LAP3: variants seen among roughly 807,000 people sequenced by gnomAD.
LAP3 encodes cytosol aminopeptidase.
Under a neutral mutation model 58.8 loss-of-function variants are expected in LAP3, and 46 were observed. That is an observed-to-expected ratio of 0.78 (90% CI 0.62 to 1.00). The LOEUF (loss-of-function observed/expected upper bound fraction) is 1.00, where lower values mean the gene tolerates loss of function less well. Among genes scored for constraint, LAP3 ranks in the 50% least tolerant of loss-of-function variants. LAP3 has a pLI of 0.00. For synonymous variants in LAP3, 257 were observed against 237.7 expected (o/e 1.08, Z -0.75); for missense variants, 615 against 659.1 (o/e 0.93, Z 0.73).
intron 7 of LAP3, among the ~76,000 whole-genome samples, chr4:17,594,778 C>T (rs550048623): frequency 1.2e-3 from 187 of 152,284 alleles, no homozygotes; most frequent in African/African-American, 4.4e-3. Flanking sequence ...TCTGTCCTGT[C>T]GGTTTCAGAG....
intron 11 of LAP3, among the ~76,000 whole-genome samples, chr4:17,605,818 A>G (rs1337796035): frequency 2.0e-5 from 3 of 152,176 alleles, no homozygotes; most frequent in East Asian, 3.8e-4. Context: ...GCTTTAAAAA[A>G]AAAATCTCAG....
chr4:17,593,076 G>C lies in LAP3; in HGVS notation c.864-2334G>C, dbSNP rs554303382. Among the ~76,000 whole-genome samples the C allele has an allele frequency of 3.9e-5, 6 of 152,332 alleles. No individual in the cohort carries two copies. The East Asian group carries it at 7.7e-4, about 20-fold the overall frequency. ...AGCCTCCCAGAGTGCTGGGATACAG[G>C]CATGAGCCATCACACCCAGCCAAAG... On this transcript the variant is annotated intron_variant, in intron 7 of 12. Coordinates refer to ENST00000226299, the MANE Select transcript of LAP3 (RefSeq NM_015907.3).
intron 10 of LAP3, 55 bp downstream of exon 10, chr4:17,598,613 G>A: frequency 1.6e-6 from 2 of 1,254,958 alleles, no homozygotes; most frequent in East Asian, 2.3e-5. Flanking sequence ...TTCGTTGCAT[G>A]GATTTCACAC....
At chr4:17,594,132 A>C (rs1713770613) in intron 7 of LAP3, among the ~76,000 whole-genome samples, 1 of 152,122 alleles carries the variant, frequency 6.6e-6, no homozygotes, top group Non-Finnish European at 1.5e-5. Context: ...GATTTGAGAG[A>C]GATTGAAAAA....
At chr4:17,587,161 A>G (rs1187677743) in intron 6 of LAP3, among the ~76,000 whole-genome samples, 1 of 152,196 alleles carries the variant, frequency 6.6e-6, no homozygotes, top group Non-Finnish European at 1.5e-5. Flanking sequence ...GTTACAGTAC[A>G]AGAGAGTGGG....
At chr4:17,596,235 A>G (rs1713826548) in intron 8 of LAP3, among the ~76,000 whole-genome samples, 1 of 152,226 alleles carries the variant, frequency 6.6e-6, no homozygotes, top group African/African-American at 2.4e-5. Context: ...ATTCTATGTA[A>G]TGACAAAACC....
chr4:17,587,429 G>GTTGTTGTT (rs1713551793), intron 6 of LAP3: 4 of 144,502 alleles, frequency 2.8e-5, no homozygotes, highest in African/African-American at 1.0e-4. Flanking sequence ...TGTTGTTGTT[G>GTTGTTGTT]TTTTTTTTTT....
intron 7 of LAP3, among the ~76,000 whole-genome samples, chr4:17,590,213 C>G (rs1713647500): frequency 6.6e-6 from 1 of 152,170 alleles, no homozygotes; most frequent in African/African-American, 2.4e-5. Context: ...TTTGAAGGAA[C>G]CCTGATTCCT....
chr4:17,602,808 C>A (rs1392104526), intron 10 of LAP3, among the ~76,000 whole-genome samples: 1 of 151,956 alleles, frequency 6.6e-6, no homozygotes, highest in Admixed American at 6.6e-5. Flanking sequence ...CCTCAGCCAC[C>A]TGAGTAGCTG....
At chr4:17,598,218 C>T (rs1713882275) in intron 9 of LAP3, among the ~76,000 whole-genome samples, 1 of 152,066 alleles carries the variant, frequency 6.6e-6, no homozygotes, top group South Asian at 2.1e-4. Flanking sequence ...AGGCTGGTGT[C>T]GAGCTCCTGG....
rs1560339583 is a variant in LAP3, at chr4:17,577,227, GGC to G, written c.-236_-235del. ...ACGAATGCGGGCGCACACGAATGCG[GGC>G]GCACACGAATGCGGGCGCACCCTTG... is the stretch of plus-strand genomic sequence containing the variant. On this transcript the variant is annotated 5_prime_UTR_variant, in exon 1 of 13. It introduces an in-frame stop codon into an upstream open reading frame of the 5' UTR. Transcript: ENST00000226299. 8.1e-6 allele frequency: 3 copies of G among 368,690 alleles called. No homozygotes were observed. Among genetic ancestry groups the G allele is most frequent in the African/African-American group, 6.5e-5 (3 of 46,070 alleles). 22.8% of individuals were successfully genotyped at this position (368,690 alleles called of 1,614,324 possible).
intron 5 of LAP3, chr4:17,584,742 G>A (rs1207541819): frequency 1.3e-5 from 5 of 381,484 alleles, no homozygotes; most frequent in East Asian, 4.6e-5. Flanking sequence ...GTGCCTGACC[G>A]GATACCCTCT....
In LAP3 at chr4:17,588,969, CTT is replaced by C; in HGVS notation, c.857_858del (p.Phe286Ter). On this transcript the variant is annotated frameshift_variant, in exon 7 of 13. Transcript: ENST00000226299. LOFTEE classifies it high-confidence loss of function. ...TGGTGTTTGTTGGGAAAGGAATTAC[CTT>C]TGACAGGTATTTTTTATGGTGTCCG... ...PLVFVGKGIT[F>X]DSGGISIKAS... 1 of 1,613,594 alleles carries C rather than the reference CTT, an allele frequency of 6.2e-7. No homozygotes were observed. Among genetic ancestry groups the C allele is most frequent in the Non-Finnish European group, 8.5e-7 (1 of 1,179,702 alleles).
At chr4:17,594,558 G>T (rs992254809) in intron 7 of LAP3, among the ~76,000 whole-genome samples, 1 of 152,210 alleles carries the variant, frequency 6.6e-6, no homozygotes, top group Non-Finnish European at 1.5e-5. Context: ...GTTGCTTCTG[G>T]ACTCCTACGG....
intron 10 of LAP3, 83 bp from the exon 11 acceptor site, chr4:17,604,505 A>C: frequency 1.1e-6 from 1 of 899,994 alleles, no homozygotes; most frequent in Admixed American, 1.8e-5. Flanking sequence ...AATAGGGTAC[A>C]TGCTAAGGTT....
intron 7 of LAP3, among the ~76,000 whole-genome samples, chr4:17,589,511 G>A (rs910829717): frequency 1.3e-5 from 2 of 152,164 alleles, no homozygotes; most frequent in Non-Finnish European, 1.5e-5. Context: ...CTGTGGGCTA[G>A]GTATTGTAGA....
chr4:17,596,811 T>G (rs962429465), intron 8 of LAP3, among the ~76,000 whole-genome samples: 3 of 152,240 alleles, frequency 2.0e-5, no homozygotes, highest in South Asian at 2.1e-4. Context: ...TTGAATTGCT[T>G]CTTCTTGATT....
intron 10 of LAP3, 26 bp from the exon 11 acceptor site, chr4:17,604,562 G>A (rs368879814): frequency 3.2e-5 from 52 of 1,604,664 alleles, no homozygotes; most frequent in Admixed American, 6.7e-5. Context: ...GAGACTGCAC[G>A]TGACCTGAGG....
chr4:17,584,615 A>C (rs775964747), intron 5 of LAP3, among the ~76,000 whole-genome samples: 15 of 152,218 alleles, frequency 9.9e-5, no homozygotes, highest in Non-Finnish European at 2.1e-4. Flanking sequence ...ACAGTGAAGG[A>C]GAACAAAACG....
Sources: allele counts gnomAD v4.1 joint callset (sites outside exome capture counted in the v4.1 genomes callset), GRCh38; gene constraint gnomAD v4.1.1; transcripts MANE v1.5; gene names NCBI Gene and HGNC (gene_info 2026-07-23, HGNC 2026-07-21).